Variants in THRB observed in about 807,000 individuals in gnomAD.
THRB encodes thyroid hormone receptor beta.
In THRB, 12 loss-of-function variants were observed where a neutral mutation model predicts 47.8. The ratio of observed to expected loss-of-function variants is 0.25; its 90% CI spans 0.16 to 0.41. The LOEUF is 0.41. THRB is among the 10% of genes least tolerant of loss of function. The probability of loss-of-function intolerance (pLI) is 1.00; values close to 1 mark genes in which losing one functional copy is unlikely to be tolerated. For missense variants in THRB, 348 were observed against 589.2 expected (o/e 0.59, Z 4.24); for synonymous variants, 218 against 212.2 (o/e 1.03, Z -0.24).
chr3:24,274,092 A>G (rs1227496005), intron 3 of THRB, among the ~76,000 whole-genome samples: 2 of 152,140 alleles, frequency 1.3e-5, no homozygotes, highest in Non-Finnish European at 2.9e-5. Flanking sequence ...TGTGAAACTC[A>G]GGCGATACTG....
intron 3 of THRB, among the ~76,000 whole-genome samples, chr3:24,264,076 T>G (rs201320593): frequency 6.6e-6 from 1 of 152,190 alleles, no homozygotes; most frequent in East Asian, 1.9e-4. Flanking sequence ...AACCCTGCAA[T>G]GCTTTCCTGT....
chr3:24,357,156 T>C (rs2063724624), intron 1 of THRB, among the ~76,000 whole-genome samples: 2 of 151,140 alleles, frequency 1.3e-5, no homozygotes, highest in Admixed American at 1.3e-4. Context: ...GTTGGTTTTA[T>C]GTTTTTTTTT....
At chr3:24,286,219 T>G (rs1186504295) in intron 3 of THRB, among the ~76,000 whole-genome samples, 1 of 152,192 alleles carries the variant, frequency 6.6e-6, no homozygotes, top group Non-Finnish European at 1.5e-5. Flanking sequence ...TCTATGATAT[T>G]TTGTTACAGC....
chr3:24,461,980 A>G (rs1219368455), intron 1 of THRB, among the ~76,000 whole-genome samples: 1 of 152,208 alleles, frequency 6.6e-6, no homozygotes, highest in African/African-American at 2.4e-5. Flanking sequence ...GTGAAAAAAG[A>G]TGTCCACAAA....
chr3:24,391,260 A>G (rs1335835392), intron 1 of THRB, among the ~76,000 whole-genome samples: 1 of 152,174 alleles, frequency 6.6e-6, no homozygotes, highest in Non-Finnish European at 1.5e-5. Context: ...GGTCAAAAGC[A>G]TAAAAGAATA....
At chr3:24,347,647 A>T (rs1463640511) in intron 1 of THRB, among the ~76,000 whole-genome samples, 1 of 151,616 alleles carries the variant, frequency 6.6e-6, no homozygotes, top group Non-Finnish European at 1.5e-5. Context: ...AAAGAATAAA[A>T]AAAAGAAATC....
intron 3 of THRB, among the ~76,000 whole-genome samples, chr3:24,281,988 A>T (rs1237082090): frequency 7.1e-6 from 1 of 139,954 alleles, no homozygotes; most frequent in African/African-American, 2.9e-5. Flanking sequence ...TAATAATGGG[A>T]GACTTTAACA....
chr3:24,417,825 T>C (rs976923255), intron 1 of THRB, among the ~76,000 whole-genome samples: 1 of 151,898 alleles, frequency 6.6e-6, no homozygotes, highest in Admixed American at 6.6e-5. Context: ...ACTGGTTGAG[T>C]AAGTTCTATC....
At chr3:24,222,625 T>C (rs981997229) in intron 4 of THRB, among the ~76,000 whole-genome samples, 5 of 152,162 alleles carry the variant, frequency 3.3e-5, no homozygotes, top group Non-Finnish European at 5.9e-5. Flanking sequence ...ATGTGTGTAA[T>C]AGCCTCCCTT....
chr3:24,160,918 C>T (rs926665625), intron 5 of THRB, among the ~76,000 whole-genome samples: 1 of 152,224 alleles, frequency 6.6e-6, no homozygotes, highest in Non-Finnish European at 1.5e-5. Context: ...ATGCTTTGGA[C>T]TCCTACTGTT....
intron 2 of THRB, among the ~76,000 whole-genome samples, chr3:24,311,921 C>T (rs147248720): frequency 2.1e-4 from 32 of 152,310 alleles, no homozygotes; most frequent in African/African-American, 7.2e-4. Flanking sequence ...GCTTATAAGG[C>T]TTTGTACGCA....
chr3:24,408,686 T>C (rs578102573), intron 1 of THRB, among the ~76,000 whole-genome samples: 1 of 151,810 alleles, frequency 6.6e-6, no homozygotes, highest in Admixed American at 6.6e-5. Flanking sequence ...AAAGGAGGTG[T>C]GTATTTGTAA....
rs556992101 is a variant in THRB, at chr3:24,396,669, G to T, written c.-260-59298C>A. ...CTCTGTTTTCACAAGTAACCTGTGT[G>T]TTTAGGCTTCCATGGCTCTTTCTTT... On this transcript the variant is annotated intron_variant, in intron 1 of 10. Coordinates refer to ENST00000646209, the MANE Select transcript of THRB (RefSeq NM_001354712.2). Among the ~76,000 whole-genome samples, 16 of 152,244 alleles carry T rather than the reference G, an allele frequency of 1.1e-4. No individual in the cohort carries two copies. The South Asian group carries it at 3.3e-3, about 32-fold the overall frequency.
rs2031033330 is a variant in THRB, at chr3:24,118,417, T to TA, written c.*4466dup. ...TTAGGCTGAAAAAAATATCACCATCTAGCAATATCACTTAACACTGTTTGC... is the reference window on the plus strand; with the variant it reads ...TTAGGCTGAAAAAAATATCACCATCTAAGCAATATCACTTAACACTGTTTGC... On this transcript the variant is annotated 3_prime_UTR_variant, in exon 11 of 11. Coordinates refer to ENST00000646209, the MANE Select transcript of THRB (RefSeq NM_001354712.2). 6.6e-6 allele frequency: 1 copy of TA among 152,656 alleles called. No individual in the cohort carries two copies. Among genetic ancestry groups the TA allele is most frequent in the Non-Finnish European group, 1.5e-5 (1 of 68,038 alleles). 9.5% of individuals were successfully genotyped at this position (152,656 alleles called of 1,614,324 possible).
chr3:24,371,987 C>T (rs190634152), intron 1 of THRB, among the ~76,000 whole-genome samples: 27 of 152,166 alleles, frequency 1.8e-4, no homozygotes, highest in African/African-American at 4.8e-4. Flanking sequence ...TTTCTCTATG[C>T]CCCCAATAAC....
At chr3:24,185,065 A>G (rs566071697) in intron 5 of THRB, among the ~76,000 whole-genome samples, 1 of 151,974 alleles carries the variant, frequency 6.6e-6, no homozygotes, top group East Asian at 1.9e-4. Context: ...GATTTGATTC[A>G]TTTTTTTTGT....
intron 5 of THRB, among the ~76,000 whole-genome samples, chr3:24,157,964 T>C (rs2038128561): frequency 6.6e-6 from 1 of 152,164 alleles, no homozygotes; most frequent in Admixed American, 6.5e-5. Flanking sequence ...AATCTACAAT[T>C]AGAGGGAAAA....
At chr3:24,212,807 C>T (rs1354090347) in intron 4 of THRB, among the ~76,000 whole-genome samples, 1 of 152,106 alleles carries the variant, frequency 6.6e-6, no homozygotes, top group Non-Finnish European at 1.5e-5. Context: ...CTAGATGAAG[C>T]GACCTCCTCA....
At chr3:24,261,501 A>G in intron 3 of THRB, among the ~76,000 whole-genome samples, 1 of 147,916 alleles carries the variant, frequency 6.8e-6, no homozygotes, top group African/African-American at 2.6e-5. Context: ...CTGTCTCAAA[A>G]AAAAAAAAAA....
Sources: allele counts gnomAD v4.1 joint callset (sites outside exome capture counted in the v4.1 genomes callset), GRCh38; gene constraint gnomAD v4.1.1; transcripts MANE v1.5; gene names NCBI Gene and HGNC (gene_info 2026-07-23, HGNC 2026-07-21).